Variants in TRIM33 observed in about 807,000 individuals in gnomAD.
TRIM33 encodes the protein tripartite motif containing 33.
Under a neutral mutation model 125.4 loss-of-function variants are expected in TRIM33, and 20 were observed. The observed-to-expected ratio is 0.16, with a 90% CI of 0.11 to 0.23. TRIM33 has a LOEUF of 0.23. Among genes scored for constraint, TRIM33 ranks in the 10% least tolerant of loss-of-function variants. TRIM33 has a pLI of 1.00. For synonymous variants in TRIM33, 564 were observed against 513.9 expected (o/e 1.10, Z -1.32); for missense variants, 920 against 1,411.4 (o/e 0.65, Z 5.58).
chr1:114,452,770 T>C (rs1649390450), intron 4 of TRIM33, among the ~76,000 whole-genome samples: 1 of 146,974 alleles, frequency 6.8e-6, no homozygotes, highest in Non-Finnish European at 1.5e-5. Context: ...GGGATGGTAG[T>C]ATACACCTGT....
chr1:114,414,276 A>T (rs1422025757), intron 11 of TRIM33, among the ~76,000 whole-genome samples: 7 of 152,154 alleles, frequency 4.6e-5, no homozygotes. Context: ...GGTCATGTAC[A>T]CTGATCCTAC....
Position 114,425,553 on chromosome 1 carries a change from A to G in TRIM33, c.1591T>C (p.Leu531=). The change falls in exon 9 of 20, where the codon TTG becomes CTG. Residue 531 remains leucine, a synonymous_variant. Transcript: ENST00000358465. ...QQVYAQKHQQ[L]QQMRMQQPPA... Reference sequence around the variant, plus strand: ...GGTTGCTGCATCCTCATCTGTTGCAACTGCTGATGTTTCTGTGCATATACT... The same window carrying G: ...GGTTGCTGCATCCTCATCTGTTGCAGCTGCTGATGTTTCTGTGCATATACT... 1 of 1,614,074 alleles carries G rather than the reference A, an allele frequency of 6.2e-7. No homozygotes were observed. Among genetic ancestry groups the G allele is most frequent in the East Asian group, 2.2e-5 (1 of 44,876 alleles).
intron 1 of TRIM33, among the ~76,000 whole-genome samples, chr1:114,489,936 C>T (rs192536323): frequency 6.6e-5 from 10 of 151,354 alleles, no homozygotes; most frequent in Non-Finnish European, 1.3e-4. Context: ...TAGAAGATAG[C>T]GCTAAATCAG....
At chr1:114,413,861 A>G (rs904118868) in intron 11 of TRIM33, among the ~76,000 whole-genome samples, 3 of 151,990 alleles carry the variant, frequency 2.0e-5, no homozygotes, top group African/African-American at 7.2e-5. Flanking sequence ...CATCTCTACA[A>G]AAGAAAAATT....
At chr1:114,401,942 T>C (rs1373921488) in intron 16 of TRIM33, among the ~76,000 whole-genome samples, 1 of 152,188 alleles carries the variant, frequency 6.6e-6, no homozygotes, top group Non-Finnish European at 1.5e-5. Context: ...ATGAGTAAAC[T>C]GAAATGCATT....
rs144704165 is a variant in TRIM33, at chr1:114,491,057, T to C, written c.526+19494A>G. 3.0e-3 allele frequency among the ~76,000 whole-genome samples: 461 copies of C among 152,282 alleles called. 1 individual carries two copies. Among genetic ancestry groups the C allele is most frequent in the Non-Finnish European group, 5.2e-3 (355 of 68,024 alleles). On this transcript the variant is annotated intron_variant, in intron 1 of 19. Coordinates refer to ENST00000358465, the MANE Select transcript of TRIM33 (RefSeq NM_015906.4). The stretch of plus-strand genomic sequence containing the variant: ...CTGCTAATTGGTAGAGGGTTTCTTT[T>C]GGGAGTAATAAAAATGCTCTAAAAT...
At chr1:114,445,685 C>A (rs1648931999) in intron 4 of TRIM33, among the ~76,000 whole-genome samples, 1 of 152,076 alleles carries the variant, frequency 6.6e-6, no homozygotes, top group Non-Finnish European at 1.5e-5. Context: ...AAGAGGAAAT[C>A]TTGAAAGCAG....
chr1:114,466,595 C>T (rs1225294627), intron 1 of TRIM33, among the ~76,000 whole-genome samples: 1 of 152,162 alleles, frequency 6.6e-6, no homozygotes, highest in East Asian at 1.9e-4. Flanking sequence ...GGCTGCGTGG[C>T]AATGAGACTG....
At chr1:114,473,160 G>A (rs1389678573) in intron 1 of TRIM33, among the ~76,000 whole-genome samples, 1 of 151,824 alleles carries the variant, frequency 6.6e-6, no homozygotes, top group African/African-American at 2.4e-5. Context: ...AGGAGGCTGA[G>A]GCAGGAGAAT....
chr1:114,489,431 A>T (rs1368090897), intron 1 of TRIM33, among the ~76,000 whole-genome samples: 1 of 152,204 alleles, frequency 6.6e-6, no homozygotes, highest in Non-Finnish European at 1.5e-5. Context: ...CAAAATATAA[A>T]TTGGACCTCA....
At chr1:114,507,034 A>G (rs1202977106) in intron 1 of TRIM33, among the ~76,000 whole-genome samples, 1 of 152,246 alleles carries the variant, frequency 6.6e-6, no homozygotes, top group African/African-American at 2.4e-5. Context: ...AGTCTACAAT[A>G]TCCTAGTGCA....
intron 10 of TRIM33, 144 bp from the exon 11 acceptor site, chr1:114,421,780 C>G: frequency 1.3e-6 from 1 of 743,598 alleles, no homozygotes; most frequent in Non-Finnish European, 2.2e-6. Flanking sequence ...AAGAACAGTT[C>G]AAACTCAGCC....
chr1:114,442,338 A>G (rs1034787377), intron 4 of TRIM33, among the ~76,000 whole-genome samples: 1 of 152,010 alleles, frequency 6.6e-6, no homozygotes, highest in Admixed American at 6.6e-5. Flanking sequence ...ATATGTATTT[A>G]CTTATCACTT....
At chr1:114,400,494 T>C (rs141116105) in intron 17 of TRIM33, among the ~76,000 whole-genome samples, 1,567 of 152,314 alleles carry the variant, frequency 0.01, 25 homozygotes, top group African/African-American at 0.036. Flanking sequence ...TGAGCCACCA[T>C]GCCCGGCCAA....
intron 6 of TRIM33, 141 bp from the exon 7 acceptor site, chr1:114,428,035 T>C (rs1023929166): frequency 1.2e-6 from 1 of 852,170 alleles, no homozygotes; most frequent in Admixed American, 3.0e-5. Flanking sequence ...TTAGCAAGCC[T>C]ATCATCAGAG....
At chr1:114,411,320 C>A (rs1318253525) in intron 11 of TRIM33, among the ~76,000 whole-genome samples, 2 of 152,090 alleles carry the variant, frequency 1.3e-5, no homozygotes, top group Non-Finnish European at 2.9e-5. Context: ...ACTGGGATTA[C>A]AAACAAAACA....
At chr1:114,499,095 G>C (rs557152075) in intron 1 of TRIM33, among the ~76,000 whole-genome samples, 15 of 152,280 alleles carry the variant, frequency 9.9e-5, no homozygotes, top group Non-Finnish European at 5.9e-5. Flanking sequence ...TTAAGACACT[G>C]GAAGAGATGC....
intron 17 of TRIM33, among the ~76,000 whole-genome samples, chr1:114,400,051 T>C (rs1008204855): frequency 6.6e-6 from 1 of 152,204 alleles, no homozygotes; most frequent in Non-Finnish European, 1.5e-5. Context: ...CTTGACTTAG[T>C]AACAGAGGAA....
chr1:114,421,902 G>A (rs949912829), intron 10 of TRIM33, among the ~76,000 whole-genome samples: 2 of 152,176 alleles, frequency 1.3e-5, no homozygotes, highest in Non-Finnish European at 2.9e-5. Context: ...AAGGAAGTAT[G>A]TAATAGAGGA....
Sources: gnomAD v4.1 joint callset for allele counts (sites outside exome capture counted in the v4.1 genomes callset) on GRCh38, gnomAD v4.1.1 for gene constraint, MANE v1.5 for transcripts, NCBI Gene and HGNC (gene_info 2026-07-23, HGNC 2026-07-21) for gene names.